Variants in CACNG2 observed in about 807,000 individuals in gnomAD.
CACNG2 encodes calcium voltage-gated channel auxiliary subunit gamma 2.
In CACNG2, 3 loss-of-function variants were observed where a neutral mutation model predicts 25.9. The observed-to-expected ratio is 0.12, with a 90% CI of 0.05 to 0.30. CACNG2 has a LOEUF of 0.30. CACNG2 is among the 10% of genes least tolerant of loss of function. The probability of loss-of-function intolerance (pLI) is 1.00; values close to 1 mark genes in which losing one functional copy is unlikely to be tolerated. For missense variants in CACNG2, 341 were observed against 432.5 expected (o/e 0.79, Z 1.88); for synonymous variants, 167 against 173.3 (o/e 0.96, Z 0.29).
rs1935060343 is a variant in CACNG2 at position 36,563,304 on chromosome 22, C to A, written c.*1047G>T. ...TTATGAGTCAGGGGGTCCACCATCG[C>A]CCCAGGGTCATCAGGTGGCCCTGAG... On this transcript the variant is annotated 3_prime_UTR_variant, in exon 4 of 4. Coordinates refer to ENST00000300105, the MANE Select transcript of CACNG2 (RefSeq NM_006078.5). Among the ~76,000 whole-genome samples the A allele has an allele frequency of 6.6e-6, 1 of 152,048 alleles. No homozygotes were observed. The highest frequency in any genetic ancestry group is 6.5e-5 in the Admixed American group (1 of 15,270).
rs145001730 is a variant in CACNG2, at chr22:36,678,763, C to CA, written c.211+23602dup. ...CCTTCTCTTCTTGCACCTAGGACAC[C>CA]ACCCCCTTCTCTAAAAACACCAAGG... On this transcript the variant is annotated intron_variant, in intron 1 of 3. Transcript: ENST00000300105. Among the ~76,000 whole-genome samples the CA allele has an allele frequency of 7.1e-3, 1,085 of 152,116 alleles. 16 individuals carry two copies. Among genetic ancestry groups the CA allele is most frequent in the African/African-American group, 0.025 (1,032 of 41,480 alleles).
intron 1 of CACNG2, among the ~76,000 whole-genome samples, chr22:36,679,197 C>CCTTTCTTTCTTTCTTTCTTTCTTTCTTT (rs1241104277): frequency 6.2e-4 from 34 of 54,826 alleles, no homozygotes; most frequent in African/African-American, 2.3e-3. Flanking sequence ...TTCCTTCCTT[C>CCTTTCTTTCTTTCTTTCTTTCTTTCTTT]CTTTCTTTCT....
chr22:36,668,271 TCTCCCATGTAC>T (rs1350930776), intron 1 of CACNG2, among the ~76,000 whole-genome samples: 2 of 152,140 alleles, frequency 1.3e-5, no homozygotes, highest in Non-Finnish European at 2.9e-5. Context: ...TTCCCTGCCT[TCTCCCATGTAC>T]CTCCCCATCT....
intron 1 of CACNG2, among the ~76,000 whole-genome samples, chr22:36,644,387 G>C (rs1936487985): frequency 6.6e-6 from 1 of 152,200 alleles, no homozygotes; most frequent in African/African-American, 2.4e-5. Flanking sequence ...CTAGGTCTTT[G>C]AGAGCTGCTC....
chr22:36,660,686 A>G (rs1168504555), intron 1 of CACNG2, among the ~76,000 whole-genome samples: 1 of 152,212 alleles, frequency 6.6e-6, no homozygotes, highest in Non-Finnish European at 1.5e-5. Context: ...TGTTTCACCC[A>G]GTTGTCACCC....
intron 1 of CACNG2, among the ~76,000 whole-genome samples, chr22:36,621,049 C>T (rs1936096564): frequency 1.3e-5 from 2 of 152,176 alleles, no homozygotes; most frequent in African/African-American, 4.8e-5. Context: ...GAGATGGGAG[C>T]AATTCAAGGC....
At chr22:36,611,222 T>G (rs1182936507) in intron 1 of CACNG2, among the ~76,000 whole-genome samples, 1 of 152,154 alleles carries the variant, frequency 6.6e-6, no homozygotes, top group Non-Finnish European at 1.5e-5. Flanking sequence ...AGCTGCCCTC[T>G]ATAGATTCGG....
At chr22:36,609,155 A>G (rs1053568081) in intron 1 of CACNG2, among the ~76,000 whole-genome samples, 2 of 150,766 alleles carry the variant, frequency 1.3e-5, no homozygotes, top group African/African-American at 2.4e-5. Flanking sequence ...TCAGCTCCTT[A>G]GAGCGTGATC....
chr22:36,585,420 T>C (rs1935485584), intron 2 of CACNG2: 1 of 152,220 alleles, frequency 6.6e-6, no homozygotes, highest in South Asian at 2.1e-4. Flanking sequence ...TAGAGAATGA[T>C]AGAAACTTGC....
At chr22:36,653,249 G>A (rs577732469) in intron 1 of CACNG2, among the ~76,000 whole-genome samples, 92 of 152,148 alleles carry the variant, frequency 6.0e-4, no homozygotes, top group Non-Finnish European at 3.8e-4. Flanking sequence ...GCTTGAACCC[G>A]GGAGGTGGAG....
At chr22:36,608,201 T>G (rs886428110) in intron 1 of CACNG2, among the ~76,000 whole-genome samples, 6 of 152,182 alleles carry the variant, frequency 3.9e-5, no homozygotes, top group Non-Finnish European at 8.8e-5. Context: ...CTACAGTAGC[T>G]GGGATTCTGA....
At chr22:36,627,586 C>T (rs1388834095) in intron 1 of CACNG2, among the ~76,000 whole-genome samples, 1 of 151,824 alleles carries the variant, frequency 6.6e-6, no homozygotes, top group Non-Finnish European at 1.5e-5. Flanking sequence ...CTCAGTCTTG[C>T]CTGTTGGCAA....
At chr22:36,654,228 C>A (rs1057149996) in intron 1 of CACNG2, among the ~76,000 whole-genome samples, 1 of 151,634 alleles carries the variant, frequency 6.6e-6, no homozygotes, top group African/African-American at 2.4e-5. Flanking sequence ...ACTAAGAATG[C>A]GGGTATACTT....
At chr22:36,673,103 G>A (rs1166282050) in intron 1 of CACNG2, among the ~76,000 whole-genome samples, 1 of 152,238 alleles carries the variant, frequency 6.6e-6, no homozygotes, top group Non-Finnish European at 1.5e-5. Flanking sequence ...GTGCATGCCT[G>A]TAGTCCCAGC....
intron 1 of CACNG2, among the ~76,000 whole-genome samples, chr22:36,662,908 C>G (rs765545093): frequency 1.3e-5 from 2 of 152,098 alleles, no homozygotes; most frequent in Non-Finnish European, 2.9e-5. Context: ...CTTCTTTTTA[C>G]TCATCTCTTT....
chr22:36,665,470 A>G (rs761883215), intron 1 of CACNG2, among the ~76,000 whole-genome samples: 3 of 152,364 alleles, frequency 2.0e-5, no homozygotes, highest in African/African-American at 4.8e-5. Context: ...TGCTTTCATT[A>G]TTTTAAATCT....
intron 1 of CACNG2, among the ~76,000 whole-genome samples, chr22:36,639,861 C>G (rs1026126276): frequency 2.0e-5 from 3 of 152,184 alleles, no homozygotes; most frequent in African/African-American, 7.2e-5. Context: ...AACCCTGAGG[C>G]CCTGTCATCT....
chr22:36,606,894 T>C lies in CACNG2; in HGVS notation c.212-19346A>G, dbSNP rs1935844383. 6.6e-6 allele frequency among the ~76,000 whole-genome samples: 1 copy of C among 151,500 alleles called. No individual in the cohort carries two copies. The highest frequency in any genetic ancestry group is 1.5e-5 in the Non-Finnish European group (1 of 67,778). On this transcript the variant is annotated intron_variant, in intron 1 of 3. Coordinates refer to ENST00000300105, the MANE Select transcript of CACNG2 (RefSeq NM_006078.5). The surrounding 1 kb of genome is among the most constrained non-coding windows in gnomAD (Gnocchi z 5.7). ...GTCTGTGTGTGAGTCTGTGTGTGTGTCTGTGGTGTGTGTATGCATGTGTGT... is the reference window on the plus strand; with the variant it reads ...GTCTGTGTGTGAGTCTGTGTGTGTGCCTGTGGTGTGTGTATGCATGTGTGT...
chr22:36,655,969 A>G (rs1936700253), intron 1 of CACNG2, among the ~76,000 whole-genome samples: 1 of 151,770 alleles, frequency 6.6e-6, no homozygotes. Context: ...CACCACGCCC[A>G]GTTAATTTTT....
Sources: gnomAD v4.1 joint callset for allele counts (sites outside exome capture counted in the v4.1 genomes callset) on GRCh38, gnomAD v4.1.1 for gene constraint, Gnocchi (gnomAD v3.1) non-coding constraint, MANE v1.5 for transcripts, NCBI Gene and HGNC (gene_info 2026-07-23, HGNC 2026-07-21) for gene names.